MBNL2: variants seen among roughly 807,000 people sequenced by gnomAD.
MBNL2 encodes muscleblind-like protein 2.
In MBNL2, 17 loss-of-function variants were observed where a neutral mutation model predicts 41.9. The observed-to-expected ratio is 0.41, with a 90% CI of 0.28 to 0.61. The LOEUF is 0.61. Ranked by LOEUF, MBNL2 falls within the 20% of genes least tolerant of loss-of-function variation. The probability of loss-of-function intolerance (pLI) is 0.35; values close to 1 mark genes in which losing one functional copy is unlikely to be tolerated. For missense variants in MBNL2, 336 were observed against 505.6 expected, an observed-to-expected ratio of 0.66 and a Z score of 3.22; for synonymous variants, 195 against 182.9, an observed-to-expected ratio of 1.07 and a Z score of -0.53.
the MBNL2 span, among the ~76,000 whole-genome samples, chr13:97,191,181 T>TG: frequency 6.6e-6 from 1 of 151,702 alleles, no homozygotes; most frequent in Admixed American, 6.6e-5. Context: ...AAATTGGTTG[T>TG]GAGGCAGCCA....
chr13:97,370,856 C>T (rs2064303911), intron 8 of MBNL2, among the ~76,000 whole-genome samples: 1 of 152,086 alleles, frequency 6.6e-6, no homozygotes, highest in Admixed American at 6.6e-5. Flanking sequence ...TTCCTAACCT[C>T]TACTAATCAT....
chr13:97,233,203 GTACATGTGCACAACATGCAGGTTTGT>G (rs1385115846), intron 1 of MBNL2, among the ~76,000 whole-genome samples: 20 of 122,234 alleles, frequency 1.6e-4, no homozygotes, highest in Non-Finnish European at 3.2e-4. Context: ...AAGTTCTAGG[GTACATGTGCACAACATGCAGGTTTGT>G]TACATATGTA....
At chr13:97,221,592 T>C (rs1159204355), upstream of MBNL2, 1 of 152,174 alleles carries the variant, frequency 6.6e-6, no homozygotes, top group African/African-American at 2.4e-5. Flanking sequence ...TCAAATGGCA[T>C]CTAAGATGGT....
At chr13:97,389,385 C>T (rs888243225) in intron 8 of MBNL2, among the ~76,000 whole-genome samples, 1 of 152,096 alleles carries the variant, frequency 6.6e-6, no homozygotes, top group African/African-American at 2.4e-5. Context: ...TAAATGCATT[C>T]TAAAATACAT....
chr13:97,277,704 CAAATT>C (rs1488339902), intron 2 of MBNL2, among the ~76,000 whole-genome samples: 1 of 152,098 alleles, frequency 6.6e-6, no homozygotes, highest in East Asian at 1.9e-4. Flanking sequence ...AAAATTTTGA[CAAATT>C]AGATCTGTAA....
At chr13:97,173,393 T>C in the MBNL2 span, among the ~76,000 whole-genome samples, 1 of 152,206 alleles carries the variant, frequency 6.6e-6, no homozygotes, top group African/African-American at 2.4e-5. Context: ...GAGATTGTGG[T>C]TCCCACTATG....
chr13:97,256,763 G>A (rs549450968), intron 1 of MBNL2, among the ~76,000 whole-genome samples: 3 of 152,284 alleles, frequency 2.0e-5, no homozygotes, highest in African/African-American at 4.8e-5. Context: ...TGGCTTGCCC[G>A]AGGGTATAGG....
At chr13:97,329,725 CA>C (rs200845891) in intron 2 of MBNL2, among the ~76,000 whole-genome samples, 27 of 470 alleles carry the variant, frequency 0.057, no homozygotes, top group Middle Eastern at 0.25. Context: ...ACAACATACA[CA>C]ACATACAACA....
chr13:97,317,129 G>A (rs938792141), intron 2 of MBNL2, among the ~76,000 whole-genome samples: 1 of 152,126 alleles, frequency 6.6e-6, no homozygotes, highest in Non-Finnish European at 1.5e-5. Flanking sequence ...ATGTATCTAG[G>A]GCTGGGTAAC....
the MBNL2 span, among the ~76,000 whole-genome samples, chr13:97,187,210 G>A: frequency 6.6e-6 from 1 of 152,038 alleles, no homozygotes; most frequent in Non-Finnish European, 1.5e-5. Flanking sequence ...TTTTCACAAA[G>A]GACCCAGCCT....
At chr13:97,149,192 G>C in the MBNL2 span, among the ~76,000 whole-genome samples, 182 of 152,284 alleles carry the variant, frequency 1.2e-3, 1 homozygote, top group African/African-American at 4.0e-3. Context: ...TTACGGAAGC[G>C]TAACATTATG....
At chr13:97,208,107 G>A in the MBNL2 span, among the ~76,000 whole-genome samples, 2,581 of 152,314 alleles carry the variant, frequency 0.017, 70 homozygotes, top group African/African-American at 0.058. Flanking sequence ...TGTTGAGTCC[G>A]TGAAATTAAG....
At chr13:97,308,600 A>G (rs1164453402) in intron 2 of MBNL2, among the ~76,000 whole-genome samples, 1 of 152,200 alleles carries the variant, frequency 6.6e-6, no homozygotes, top group Admixed American at 6.5e-5. Context: ...TGCTTATTTT[A>G]TTTATTCCAC....
the MBNL2 span, among the ~76,000 whole-genome samples, chr13:97,211,788 AAAAT>A: frequency 6.6e-6 from 1 of 152,248 alleles, no homozygotes; most frequent in Non-Finnish European, 1.5e-5. Context: ...AATTATTTTA[AAAAT>A]AAAGATTAAA....
intron 8 of MBNL2, among the ~76,000 whole-genome samples, chr13:97,383,807 A>C (rs540483561): frequency 2.4e-4 from 36 of 152,310 alleles, no homozygotes; most frequent in Admixed American, 2.2e-3. Flanking sequence ...GACACTGCCC[A>C]ACCTCCGAAC....
the MBNL2 span, among the ~76,000 whole-genome samples, chr13:97,193,868 A>C: frequency 6.6e-6 from 1 of 151,770 alleles, no homozygotes; most frequent in Non-Finnish European, 1.5e-5. Flanking sequence ...CCAAGGGCAG[A>C]CTCCTGATCA....
At chr13:97,308,870 A>T (rs1425624673) in intron 2 of MBNL2, among the ~76,000 whole-genome samples, 1 of 152,226 alleles carries the variant, frequency 6.6e-6, no homozygotes, top group Non-Finnish European at 1.5e-5. Flanking sequence ...TGTGACTATG[A>T]CAATGGTCAT....
chr13:97,231,217 G>A (rs368715068), intron 1 of MBNL2, among the ~76,000 whole-genome samples: 35 of 152,164 alleles, frequency 2.3e-4, no homozygotes, highest in Non-Finnish European at 4.6e-4. Flanking sequence ...GATTGATGCC[G>A]TCACACCAGA....
the MBNL2 span, among the ~76,000 whole-genome samples, chr13:97,154,440 G>A: frequency 3.3e-5 from 5 of 151,862 alleles, no homozygotes; most frequent in Non-Finnish European, 5.9e-5. Context: ...TCAGCCTCCC[G>A]AGTAGCTGGG....
Sources: allele counts gnomAD v4.1 joint callset (sites outside exome capture counted in the v4.1 genomes callset), GRCh38; gene constraint gnomAD v4.1.1; transcripts MANE v1.5; gene names NCBI Gene and HGNC (gene_info 2026-07-23, HGNC 2026-07-21).